Variants in ZNF883 observed in about 807,000 individuals in gnomAD.
The protein encoded by ZNF883 is zinc finger protein 883.
At chr9:112,990,887 G>T (rs966779272) in intron 1 of ZNF883, among the ~76,000 whole-genome samples, 1 of 152,152 alleles carries the variant, frequency 6.6e-6, no homozygotes, top group African/African-American at 2.4e-5. Flanking sequence ...TATATTTCTA[G>T]CTTATTTGCA....
chr9:113,000,581 AC>A (rs1828413057), upstream of ZNF883, among the ~76,000 whole-genome samples: 1 of 152,102 alleles, frequency 6.6e-6, no homozygotes, highest in Admixed American at 6.5e-5. Flanking sequence ...AAAAGAAGAA[AC>A]AAAAAATGCT....
intron 2 of ZNF883, among the ~76,000 whole-genome samples, chr9:113,007,072 T>C (rs993428749): frequency 1.3e-5 from 2 of 152,140 alleles, no homozygotes; most frequent in Non-Finnish European, 2.9e-5. Flanking sequence ...TTCATGTCTG[T>C]AGTCCTAGCT....
chr9:112,997,710 T>A (rs769520153), exon 1 of ZNF883: 3 of 1,613,798 alleles, frequency 1.9e-6, no homozygotes, highest in East Asian at 4.5e-5. Context: ...CGACATTGCT[T>A]ACACTGGTAG....
chr9:112,990,456 G>A (rs1384299974), intron 1 of ZNF883, among the ~76,000 whole-genome samples: 1 of 152,190 alleles, frequency 6.6e-6, no homozygotes, highest in Admixed American at 6.5e-5. Context: ...GCATCCCAGG[G>A]ATAAAGCTGA....
exon 1 of ZNF883, chr9:112,997,911 T>C (rs1303779365): frequency 6.2e-7 from 1 of 1,613,970 alleles, no homozygotes; most frequent in Non-Finnish European, 8.5e-7. Flanking sequence ...GTATGGATTC[T>C]CTCATGATTT....
chr9:112,997,093 G>A (rs778702734), downstream of ZNF883: 10 of 1,547,244 alleles, frequency 6.5e-6, no homozygotes, highest in Admixed American at 3.8e-5. Flanking sequence ...AATAACCTAC[G>A]ACTGACTGCA....
chr9:112,995,121 C>T (rs1828338166), downstream of ZNF883, among the ~76,000 whole-genome samples: 1 of 152,164 alleles, frequency 6.6e-6, no homozygotes, highest in Non-Finnish European at 1.5e-5. Context: ...AAGAGGTTAA[C>T]ATTTGAACCA....
chr9:112,998,039 C>T (rs1406527004), exon 1 of ZNF883: 1 of 1,613,848 alleles, frequency 6.2e-7, no homozygotes, highest in East Asian at 2.2e-5. Context: ...AGCTTTCCCA[C>T]ATTCATTACA....
upstream of ZNF883, among the ~76,000 whole-genome samples, chr9:113,003,248 G>A (rs957019788): frequency 6.6e-6 from 1 of 152,044 alleles, no homozygotes; most frequent in African/African-American, 2.4e-5. Context: ...TTATAAATGG[G>A]AGTTCCTCTG....
At chr9:112,996,521 G>A (rs912598229), downstream of ZNF883, among the ~76,000 whole-genome samples, 6 of 151,942 alleles carry the variant, frequency 3.9e-5, no homozygotes, top group African/African-American at 1.4e-4. Flanking sequence ...GCCGGGCGCG[G>A]TGGCTCACGC....
At chr9:112,992,672 G>A (rs892007770), downstream of ZNF883, among the ~76,000 whole-genome samples, 1 of 152,132 alleles carries the variant, frequency 6.6e-6, no homozygotes. Flanking sequence ...CTGAAGTATG[G>A]TTTCCAACTT....
chr9:112,988,883 T>C (rs10981585), intron 1 of ZNF883, among the ~76,000 whole-genome samples: 71,569 of 151,752 alleles, frequency 0.47, 18,060 homozygotes, highest in African/African-American at 0.66. Flanking sequence ...CTCTAATGAT[T>C]AGTGATGTTG....
At chr9:112,996,429 A>G (rs949731649), downstream of ZNF883, among the ~76,000 whole-genome samples, 1 of 152,216 alleles carries the variant, frequency 6.6e-6, no homozygotes, top group African/African-American at 2.4e-5. Context: ...CATAGGACTT[A>G]ATAAACAAAA....
chr9:113,000,994 T>C (rs963141778), upstream of ZNF883, among the ~76,000 whole-genome samples: 7 of 151,876 alleles, frequency 4.6e-5, no homozygotes, highest in African/African-American at 1.7e-4. Context: ...TGGAAAGAGA[T>C]TAGAATGGAA....
downstream of ZNF883, among the ~76,000 whole-genome samples, chr9:112,996,243 T>C (rs1828352982): frequency 6.6e-6 from 1 of 152,184 alleles, no homozygotes. Flanking sequence ...GAGAATTTAT[T>C]GCAATTTTCT....
exon 1 of ZNF883, chr9:112,997,701 G>T (rs543304301): frequency 6.2e-7 from 1 of 1,613,108 alleles, no homozygotes; most frequent in Non-Finnish European, 8.5e-7. Context: ...AAAACTTTCC[G>T]ACATTGCTTA....
upstream of ZNF883, among the ~76,000 whole-genome samples, chr9:113,001,327 A>C (rs1295846226): frequency 6.6e-6 from 1 of 152,154 alleles, no homozygotes; most frequent in Non-Finnish European, 1.5e-5. Flanking sequence ...TGAACGGCAG[A>C]GAATGAATCA....
downstream of ZNF883, among the ~76,000 whole-genome samples, chr9:112,996,628 A>G (rs1828357017): frequency 6.7e-6 from 1 of 149,838 alleles, no homozygotes; most frequent in Admixed American, 6.6e-5. Flanking sequence ...CGTCTCTACT[A>G]AAAATACAAA....
downstream of ZNF883, among the ~76,000 whole-genome samples, chr9:112,994,598 C>A (rs1010304680): frequency 6.6e-6 from 1 of 152,020 alleles, no homozygotes; most frequent in Non-Finnish European, 1.5e-5. Context: ...TTTTCCCAAT[C>A]AGTTCTTTTC....
Sources: allele counts gnomAD v4.1 joint callset (sites outside exome capture counted in the v4.1 genomes callset), GRCh38; gene constraint gnomAD v4.1.1; transcripts MANE v1.5; gene names NCBI Gene and HGNC (gene_info 2026-07-23, HGNC 2026-07-21).